The following RGS6 variants were observed in gnomAD, a reference collection of about 807,000 sequenced individuals.
The protein encoded by RGS6 is regulator of G-protein signaling 6.
RGS6 carries 30 observed loss-of-function variants against 78.5 expected under a neutral mutation model. The ratio of observed to expected loss-of-function variants is 0.38; its 90% confidence interval spans 0.29 to 0.52. RGS6 has a LOEUF of 0.52. Ranked by LOEUF, RGS6 falls within the 20% of genes least tolerant of loss-of-function variation. The pLI is 0.85. For synonymous variants in RGS6, 206 were observed against 206.0 expected, an observed-to-expected ratio of 1.00 and a Z score of 0.00; for missense variants, 495 against 609.7, an observed-to-expected ratio of 0.81 and a Z score of 1.98.
the RGS6 span, among the ~76,000 whole-genome samples, chr14:71,906,684 T>C: frequency 7.6e-6 from 1 of 130,854 alleles, no homozygotes; most frequent in African/African-American, 2.6e-5. Context: ...TTTAACTTAA[T>C]GAGGAAGGGT....
At chr14:72,210,096 A>G (rs918802248) in intron 2 of RGS6, among the ~76,000 whole-genome samples, 2 of 152,212 alleles carry the variant, frequency 1.3e-5, no homozygotes, top group African/African-American at 4.8e-5. Context: ...TTATCCCAGA[A>G]TCGCTTTTTT....
At chr14:72,391,006 G>A (rs895107199) in intron 3 of RGS6, among the ~76,000 whole-genome samples, 3 of 152,168 alleles carry the variant, frequency 2.0e-5, no homozygotes, top group African/African-American at 7.2e-5. Flanking sequence ...GAGCTTACAA[G>A]GGTGTTGTCC....
intron 2 of RGS6, among the ~76,000 whole-genome samples, chr14:72,031,719 A>G (rs982284651): frequency 6.6e-6 from 1 of 152,210 alleles, no homozygotes; most frequent in Admixed American, 6.5e-5. Flanking sequence ...CTTATATTTC[A>G]TTGACCAAAG....
intron 2 of RGS6, among the ~76,000 whole-genome samples, chr14:72,210,485 AAAT>A (rs1484283235): frequency 6.6e-6 from 1 of 152,206 alleles, no homozygotes. Context: ...TCATTGAGGA[AAAT>A]AATGTTTGTC....
chr14:72,618,004 C>T, the RGS6 span, among the ~76,000 whole-genome samples: 4 of 152,148 alleles, frequency 2.6e-5, no homozygotes, highest in African/African-American at 9.7e-5. Flanking sequence ...GGGCTATCTT[C>T]CAACACACAG....
At chr14:72,132,330 G>A (rs147927743) in intron 2 of RGS6, among the ~76,000 whole-genome samples, 66 of 150,252 alleles carry the variant, frequency 4.4e-4, no homozygotes, top group African/African-American at 1.4e-3. Flanking sequence ...AGGCTGGAGC[G>A]CAGTGACATG....
chr14:72,010,524 G>A (rs115794538), intron 2 of RGS6, among the ~76,000 whole-genome samples: 2,784 of 152,030 alleles, frequency 0.018, 87 homozygotes, highest in African/African-American at 0.062. Flanking sequence ...CACATAGACC[G>A]CCCCCCACCC....
chr14:72,598,676 A>G, the RGS6 span, among the ~76,000 whole-genome samples: 2 of 152,342 alleles, frequency 1.3e-5, no homozygotes, highest in Middle Eastern at 3.4e-3. Flanking sequence ...CTGGAGGAGC[A>G]AAGAGCTTAC....
At chr14:72,003,754 G>A (rs1211469564) in intron 2 of RGS6, among the ~76,000 whole-genome samples, 3 of 152,078 alleles carry the variant, frequency 2.0e-5, no homozygotes, top group East Asian at 1.9e-4. Context: ...AAAGGAGAAC[G>A]TGTACTGTGT....
At chr14:71,899,030 T>C in the RGS6 span, among the ~76,000 whole-genome samples, 1 of 152,226 alleles carries the variant, frequency 6.6e-6, no homozygotes, top group Non-Finnish European at 1.5e-5. Context: ...TTCTAAGTGA[T>C]GCTGGTGTGG....
intron 2 of RGS6, among the ~76,000 whole-genome samples, chr14:72,247,840 A>G (rs1254321104): frequency 6.6e-6 from 1 of 152,186 alleles, no homozygotes; most frequent in East Asian, 1.9e-4. Flanking sequence ...ACTGTGGGAT[A>G]ACACAACATA....
chr14:72,320,523 A>G (rs2071623446), intron 2 of RGS6, among the ~76,000 whole-genome samples: 1 of 152,172 alleles, frequency 6.6e-6, no homozygotes, highest in Admixed American at 6.5e-5. Flanking sequence ...GCTTGCAGTG[A>G]GCAGAGATCA....
the RGS6 span, among the ~76,000 whole-genome samples, chr14:71,919,569 C>T: frequency 5.3e-5 from 8 of 152,080 alleles, no homozygotes; most frequent in Non-Finnish European, 8.8e-5. Flanking sequence ...GTAGTCTGAA[C>T]GTCCATAGAC....
At chr14:72,600,532 G>A in the RGS6 span, among the ~76,000 whole-genome samples, 1 of 151,670 alleles carries the variant, frequency 6.6e-6, no homozygotes, top group East Asian at 1.9e-4. Flanking sequence ...CTTTGGGGGT[G>A]TCATAGATCT....
chr14:71,921,769 G>A, the RGS6 span, among the ~76,000 whole-genome samples: 1 of 152,098 alleles, frequency 6.6e-6, no homozygotes, highest in East Asian at 1.9e-4. Context: ...CAGATACAAC[G>A]GTTTTTTAAA....
chr14:72,227,541 G>T (rs1473967230), intron 2 of RGS6, among the ~76,000 whole-genome samples: 2 of 152,164 alleles, frequency 1.3e-5, no homozygotes, highest in African/African-American at 4.8e-5. Context: ...AGGCTTTGAG[G>T]CCCCTTCCCA....
chr14:71,897,169 T>C, the RGS6 span, among the ~76,000 whole-genome samples: 2 of 152,250 alleles, frequency 1.3e-5, no homozygotes, highest in Admixed American at 6.5e-5. Flanking sequence ...TAGTAGGTGG[T>C]AGATAATTGT....
chr14:72,085,365 T>C (rs975541784), intron 2 of RGS6, among the ~76,000 whole-genome samples: 2 of 152,192 alleles, frequency 1.3e-5, no homozygotes, highest in Non-Finnish European at 2.9e-5. Flanking sequence ...TGTCCCTCAG[T>C]ATTAAGTGAT....
intron 2 of RGS6, among the ~76,000 whole-genome samples, chr14:72,219,861 G>A (rs554081592): frequency 1.3e-5 from 2 of 152,194 alleles, no homozygotes; most frequent in South Asian, 4.2e-4. Flanking sequence ...TGTTTCTAGT[G>A]TTAGGCAGGG....
Sources: allele counts gnomAD v4.1 joint callset (sites outside exome capture counted in the v4.1 genomes callset), GRCh38; gene constraint gnomAD v4.1.1; transcripts MANE v1.5; gene names NCBI Gene and HGNC (gene_info 2026-07-23, HGNC 2026-07-21).